Variants in RNF150 observed in about 807,000 individuals in gnomAD.
RNF150 encodes the protein ring finger protein 150.
In RNF150, 24 loss-of-function variants were observed where a neutral mutation model predicts 39.3. The observed-to-expected ratio is 0.61, with a 90% CI of 0.44 to 0.86. RNF150 has a LOEUF of 0.86. RNF150 is among the 40% of genes least tolerant of loss of function. RNF150 has a pLI of 0.00. For missense variants in RNF150, 502 were observed against 587.8 expected, an observed-to-expected ratio of 0.85 and a Z score of 1.51; for synonymous variants, 255 against 227.3, an observed-to-expected ratio of 1.12 and a Z score of -1.10.
chr4:141,058,703 T>G (rs542596318), intron 1 of RNF150, among the ~76,000 whole-genome samples: 20 of 152,318 alleles, frequency 1.3e-4, no homozygotes, highest in Admixed American at 1.1e-3. Context: ...AGGATTGTTA[T>G]GAGTATTAAG....
chr4:141,079,560 C>A (rs370245906), intron 1 of RNF150, among the ~76,000 whole-genome samples: 29 of 152,258 alleles, frequency 1.9e-4, no homozygotes, highest in African/African-American at 6.7e-4. Context: ...TACAATAGTG[C>A]CTTGCACAAG....
intron 2 of RNF150, among the ~76,000 whole-genome samples, chr4:140,961,744 C>A (rs1248869694): frequency 6.6e-6 from 1 of 151,876 alleles, no homozygotes; most frequent in East Asian, 1.9e-4. Context: ...ACTGAGTGAC[C>A]CTATGGTAGC....
chr4:141,199,075 A>T (rs1456099963), intron 1 of RNF150, among the ~76,000 whole-genome samples: 1 of 152,224 alleles, frequency 6.6e-6, no homozygotes, highest in African/African-American at 2.4e-5. Context: ...ATTTGAACAG[A>T]CACTTTACCA....
intron 1 of RNF150, among the ~76,000 whole-genome samples, chr4:140,990,613 T>C (rs1204184081): frequency 6.6e-6 from 1 of 152,248 alleles, no homozygotes; most frequent in Non-Finnish European, 1.5e-5. Flanking sequence ...TCCATTAGTT[T>C]GCTGAGGATA....
chr4:140,954,739 A>T (rs907907558), intron 2 of RNF150, among the ~76,000 whole-genome samples: 3 of 152,332 alleles, frequency 2.0e-5, no homozygotes, highest in South Asian at 2.1e-4. Context: ...GTTCAACCCG[A>T]GACACATAAA....
At chr4:141,094,793 T>TG (rs1560735707) in intron 1 of RNF150, among the ~76,000 whole-genome samples, 1 of 152,172 alleles carries the variant, frequency 6.6e-6, no homozygotes. Context: ...TAACACCAAA[T>TG]GGTCTGAGAT....
At chr4:140,919,393 C>G (rs1269895207) in intron 5 of RNF150, among the ~76,000 whole-genome samples, 1 of 131,980 alleles carries the variant, frequency 7.6e-6, no homozygotes, top group Non-Finnish European at 1.6e-5. Context: ...ACACCAATAA[C>G]AGACAAACAG....
intron 1 of RNF150, among the ~76,000 whole-genome samples, chr4:141,145,356 A>T (rs1259480078): frequency 6.6e-6 from 1 of 152,254 alleles, no homozygotes; most frequent in African/African-American, 2.4e-5. Context: ...AGATGAATAA[A>T]AATAAGCAAA....
At chr4:141,049,561 T>A (rs1736702569) in intron 1 of RNF150, among the ~76,000 whole-genome samples, 2 of 152,164 alleles carry the variant, frequency 1.3e-5, no homozygotes, top group South Asian at 2.1e-4. Context: ...TTTTGAATAC[T>A]TAAAAGAAAT....
intron 1 of RNF150, among the ~76,000 whole-genome samples, chr4:141,082,907 A>G (rs1738215891): frequency 6.6e-6 from 1 of 152,126 alleles, no homozygotes; most frequent in South Asian, 2.1e-4. Flanking sequence ...TGCCCAATAT[A>G]TTTCTTCTTC....
chr4:140,935,847 T>C (rs1731845570), intron 4 of RNF150, among the ~76,000 whole-genome samples: 1 of 152,188 alleles, frequency 6.6e-6, no homozygotes, highest in African/African-American at 2.4e-5. Context: ...AGCTTGATGA[T>C]TTCTTAAGTG....
intron 2 of RNF150, among the ~76,000 whole-genome samples, chr4:140,957,848 A>C (rs1313715964): frequency 1.4e-5 from 2 of 146,736 alleles, no homozygotes; most frequent in Non-Finnish European, 3.0e-5. Flanking sequence ...GGAAATGAAC[A>C]ATGAGAACAC....
intron 6 of RNF150, among the ~76,000 whole-genome samples, chr4:140,878,034 T>A (rs1288795549): frequency 1.3e-5 from 2 of 152,184 alleles, no homozygotes; most frequent in Non-Finnish European, 1.5e-5. Context: ...GGCTGTGGTT[T>A]CAATGAGATC....
chr4:141,082,155 T>G (rs11939417), intron 1 of RNF150, among the ~76,000 whole-genome samples: 21 of 152,210 alleles, frequency 1.4e-4, no homozygotes, highest in African/African-American at 5.1e-4. Flanking sequence ...TTCTGAACTC[T>G]TCAGAGAAAA....
At chr4:141,095,897 T>C (rs1448975263) in intron 1 of RNF150, among the ~76,000 whole-genome samples, 19 of 151,480 alleles carry the variant, frequency 1.3e-4, no homozygotes, top group Non-Finnish European at 1.0e-4. Context: ...TTTTTATTTG[T>C]AGTTGCTTAT....
At chr4:141,056,491 T>C (rs1303353753) in intron 1 of RNF150, among the ~76,000 whole-genome samples, 1 of 152,052 alleles carries the variant, frequency 6.6e-6, no homozygotes, top group African/African-American at 2.4e-5. Context: ...GTGGGAGAGA[T>C]GGTTGAATAT....
At chr4:141,073,666 G>GGT (rs1553944078) in intron 1 of RNF150, among the ~76,000 whole-genome samples, 31 of 151,210 alleles carry the variant, frequency 2.1e-4, no homozygotes, top group Non-Finnish European at 3.4e-4. Flanking sequence ...TCAAGCTCGG[G>GGT]GGGGGAAGTC....
At chr4:141,078,904 TAC>T (rs569204176) in intron 1 of RNF150, among the ~76,000 whole-genome samples, 1,499 of 144,444 alleles carry the variant, frequency 0.01, 31 homozygotes, top group African/African-American at 0.038. Flanking sequence ...TATATACACA[TAC>T]ATATATACAC....
chr4:140,878,549 ACTTCTT>A (rs1316742796), intron 6 of RNF150, among the ~76,000 whole-genome samples: 1 of 151,886 alleles, frequency 6.6e-6, no homozygotes, highest in Non-Finnish European at 1.5e-5. Flanking sequence ...GGCCATTTGT[ACTTCTT>A]CTTAGGAAAA....
Sources: allele counts gnomAD v4.1 joint callset (sites outside exome capture counted in the v4.1 genomes callset), GRCh38; gene constraint gnomAD v4.1.1; transcripts MANE v1.5; gene names NCBI Gene and HGNC (gene_info 2026-07-23, HGNC 2026-07-21).